The following TECPR2 variants were observed in gnomAD, a reference collection of about 807,000 sequenced individuals.
TECPR2 encodes the protein tectonin beta-propeller repeat-containing protein 2.
A neutral mutation model predicts 138.1 loss-of-function variants in TECPR2; 65 were observed. The ratio of observed to expected loss-of-function variants is 0.47; its 90% CI spans 0.39 to 0.58. TECPR2 has a LOEUF of 0.58. Ranked by LOEUF, TECPR2 falls within the 20% of genes least tolerant of loss-of-function variation. The probability of loss-of-function intolerance (pLI) is 0.00; values close to 1 mark genes in which losing one functional copy is unlikely to be tolerated. For missense variants in TECPR2, 1,553 were observed against 1,824.5 expected (o/e 0.85, Z 2.71); for synonymous variants, 746 against 749.8 (o/e 0.99, Z 0.08).
intron 1 of TECPR2, among the ~76,000 whole-genome samples, chr14:102,369,715 G>A (rs951830994): frequency 5.3e-5 from 8 of 152,138 alleles, no homozygotes; most frequent in African/African-American, 1.7e-4. Flanking sequence ...GCCGAGGCGG[G>A]TGGATCACAA....
At chr14:102,399,359 C>T (rs956392568) in intron 2 of TECPR2, among the ~76,000 whole-genome samples, 3 of 152,140 alleles carry the variant, frequency 2.0e-5, no homozygotes, top group Non-Finnish European at 1.5e-5. Context: ...TGTCAACTAA[C>T]CATCTAATAC....
chr14:102,377,294 C>T (rs140673277), intron 2 of TECPR2, among the ~76,000 whole-genome samples: 3 of 152,218 alleles, frequency 2.0e-5, no homozygotes, highest in African/African-American at 7.2e-5. Context: ...TAGCTAGGAC[C>T]ACAGGGATGA....
intron 7 of TECPR2, among the ~76,000 whole-genome samples, chr14:102,429,481 C>A (rs1193551685): frequency 2.0e-5 from 3 of 152,130 alleles, no homozygotes; most frequent in Non-Finnish European, 2.9e-5. Context: ...TTTGGTAATT[C>A]ATACAAGCCC....
intron 1 of TECPR2, among the ~76,000 whole-genome samples, chr14:102,368,817 G>A (rs1019480138): frequency 8.5e-5 from 13 of 152,182 alleles, no homozygotes; most frequent in African/African-American, 3.1e-4. Context: ...CTGTGGCATG[G>A]CCACAGAGTT....
rs576146870 is a variant in TECPR2, at chr14:102,478,449, G to C, written c.3789+13160G>C. 6.5e-3 allele frequency among the ~76,000 whole-genome samples: 985 copies of C among 152,120 alleles called. 1 individual carries two copies. Among genetic ancestry groups the C allele is most frequent in the African/African-American group, 0.021 (867 of 41,542 alleles). Reference sequence around the variant, plus strand: ...TAATCCCAGCACTTTGGGAGGTCGAGGCGGGTAGATTGCTTGAGCTCAGGA... The same window carrying C: ...TAATCCCAGCACTTTGGGAGGTCGACGCGGGTAGATTGCTTGAGCTCAGGA... On this transcript the variant is annotated intron_variant, in intron 17 of 19. Coordinates refer to ENST00000359520, the MANE Select transcript of TECPR2 (RefSeq NM_014844.5).
At position 102,461,571 on chromosome 14, in the gene TECPR2, GTGTT is replaced by G. The variant is rs1463534711; in HGVS notation, c.3641-3567_3641-3564del. Among the ~76,000 whole-genome samples, 5 of 152,346 alleles carry G rather than the reference GTGTT, an allele frequency of 3.3e-5. No homozygotes were observed. The East Asian group carries it at 5.8e-4, about 18-fold the overall frequency. On this transcript the variant is annotated intron_variant, in intron 16 of 19. Coordinates refer to ENST00000359520, the MANE Select transcript of TECPR2 (RefSeq NM_014844.5). ...CAGGGACAGACAGGAAAATGTCAGT[GTGTT>G]TGCATCAGCCAGGCTGGGCTGTGCT...
intron 2 of TECPR2, among the ~76,000 whole-genome samples, chr14:102,386,932 A>AT (rs1198632874): frequency 6.6e-6 from 1 of 152,182 alleles, no homozygotes; most frequent in Non-Finnish European, 1.5e-5. Flanking sequence ...CGTATCTCTG[A>AT]TTGCCTAACC....
chr14:102,376,674 A>G lies in TECPR2; in HGVS notation c.-48A>G, dbSNP rs997728657. 6.4e-7 allele frequency: 1 copy of G among 1,573,884 alleles called. No individual in the cohort carries two copies. ...GCCCCCAGGTTTCCCTAGATGACAA[A>G]TAAACATTCCTTTTCCTGCGTGAAG... On this transcript the variant is annotated 5_prime_UTR_variant, in exon 2 of 20. Coordinates refer to ENST00000359520, the MANE Select transcript of TECPR2 (RefSeq NM_014844.5).
intron 17 of TECPR2, among the ~76,000 whole-genome samples, chr14:102,490,900 T>G (rs896948965): frequency 1.3e-5 from 2 of 152,192 alleles, no homozygotes; most frequent in Admixed American, 6.5e-5. Context: ...TTTGTTTTTT[T>G]GGGTTTTTTT....
chr14:102,454,114 A>G (rs1890219159), intron 16 of TECPR2, among the ~76,000 whole-genome samples: 1 of 151,566 alleles, frequency 6.6e-6, no homozygotes, highest in African/African-American at 2.4e-5. Context: ...GATCCATGCC[A>G]TTGCACTCCA....
chr14:102,440,649 G>A lies in TECPR2; in HGVS notation c.2752+40G>A, dbSNP rs751961194. 24 of 1,596,794 alleles carry A rather than the reference G, an allele frequency of 1.5e-5. No homozygotes were observed. The Middle Eastern group carries it at 5.2e-4, about 35-fold the overall frequency. On this transcript the variant is annotated intron_variant, in intron 11 of 19. Coordinates refer to ENST00000359520, the MANE Select transcript of TECPR2 (RefSeq NM_014844.5). Reference sequence around the variant, plus strand: ...CGCTTAGAGGCCTGCCAGCTCTGCCGTCACTGCCTCTGCTGCACCCTGCTT... The same window carrying A: ...CGCTTAGAGGCCTGCCAGCTCTGCCATCACTGCCTCTGCTGCACCCTGCTT...
At chr14:102,469,603 G>A (rs1404876680) in intron 17 of TECPR2, among the ~76,000 whole-genome samples, 2 of 152,160 alleles carry the variant, frequency 1.3e-5, no homozygotes, top group East Asian at 1.9e-4. Context: ...CTAGTAAAAT[G>A]TTGAGTAGAA....
chr14:102,461,618 A>G (rs1283132719), intron 16 of TECPR2, among the ~76,000 whole-genome samples: 3 of 152,238 alleles, frequency 2.0e-5, no homozygotes, highest in Non-Finnish European at 2.9e-5. Context: ...CAAGCCCCAG[A>G]TATCAGCGAC....
chr14:102,408,765 A>T, intron 4 of TECPR2, 146 bp downstream of exon 4: 1 of 978,586 alleles, frequency 1.0e-6, no homozygotes, highest in Non-Finnish European at 1.4e-6. Context: ...TTACTTTTAT[A>T]GACTTATGTT....
intron 2 of TECPR2, among the ~76,000 whole-genome samples, chr14:102,404,314 A>T (rs890481444): frequency 7.2e-5 from 11 of 152,156 alleles, no homozygotes; most frequent in Admixed American, 2.0e-4. Context: ...GTTTTAGAAT[A>T]TAAAAATTTA....
At position 102,497,731 on chromosome 14, in the gene TECPR2, G is replaced by C. The variant is rs775545113; in HGVS notation, c.4081+12G>C. On this transcript the variant is annotated intron_variant, in intron 19 of 19. Transcript: ENST00000359520. The stretch of plus-strand genomic sequence containing the variant: ...GTCGTGTTTCACAGGCAGGTGCCCG[G>C]GGCCAGTGGGCTTAAGGCCCCTTGG... The C allele has an allele frequency of 6.3e-6, 10 of 1,595,060 alleles. No individual in the cohort carries two copies. The East Asian group carries it at 2.3e-4, about 36-fold the overall frequency.
chr14:102,455,674 G>A lies in TECPR2; in HGVS notation c.3640+3047G>A, dbSNP rs1377514401. The stretch of plus-strand genomic sequence containing the variant: ...CGCCCAGGCTGGAGTGCAGTGGCAC[G>A]ATCTCGGCTCACTGCAGCCTCTGCC... On this transcript the variant is annotated intron_variant, in intron 16 of 19. Coordinates refer to ENST00000359520, the MANE Select transcript of TECPR2 (RefSeq NM_014844.5). Among the ~76,000 whole-genome samples the A allele has an allele frequency of 2.6e-5, 4 of 152,192 alleles. No individual in the cohort carries two copies. In the East Asian group the frequency reaches 5.8e-4, roughly 22 times the overall value.
At chr14:102,370,813 C>T (rs1217485534) in intron 1 of TECPR2, among the ~76,000 whole-genome samples, 3 of 151,920 alleles carry the variant, frequency 2.0e-5, no homozygotes, top group Non-Finnish European at 4.4e-5. Context: ...TAATGGTGGC[C>T]CGAGCTAGGG....
At chr14:102,368,037 T>C (rs1887393970) in intron 1 of TECPR2, among the ~76,000 whole-genome samples, 1 of 129,744 alleles carries the variant, frequency 7.7e-6, no homozygotes, top group Non-Finnish European at 1.6e-5. Flanking sequence ...AAATAAAGTC[T>C]CGCTCTGTTG....
Sources: allele counts gnomAD v4.1 joint callset (sites outside exome capture counted in the v4.1 genomes callset), GRCh38; gene constraint gnomAD v4.1.1; transcripts MANE v1.5; gene names NCBI Gene and HGNC (gene_info 2026-07-23, HGNC 2026-07-21).